The following KCNH8 variants were observed in gnomAD, a reference collection of about 807,000 sequenced individuals.
KCNH8 encodes potassium voltage-gated channel subfamily H member 8.
In KCNH8, 70 loss-of-function variants were observed where a neutral mutation model predicts 103.6. The ratio of observed to expected loss-of-function variants is 0.68; its 90% CI spans 0.56 to 0.82. KCNH8 has a LOEUF of 0.82. KCNH8 is among the 40% of genes least tolerant of loss of function. The pLI, the probability that KCNH8 is intolerant of heterozygous loss-of-function variation, is 0.00. For missense variants in KCNH8, 1,217 were observed against 1,329.9 expected (o/e 0.92, Z 1.32); for synonymous variants, 498 against 489.4 (o/e 1.02, Z -0.23).
At position 19,288,181 on chromosome 3, in the gene KCNH8, CTTTTTTTTTTTTT is replaced by C. The variant is rs767659898; in HGVS notation, c.442+6870_442+6882del. Among the ~76,000 whole-genome samples, 140 of 38,186 alleles carry C rather than the reference CTTTTTTTTTTTTT, an allele frequency of 3.7e-3. 1 individual carries two copies. Among genetic ancestry groups the C allele is most frequent in the Admixed American group, 0.013 (43 of 3,284 alleles). 25.1% of individuals were successfully genotyped at this position (38,186 alleles called of 152,430 possible). On this transcript the variant is annotated intron_variant, in intron 3 of 15. Coordinates refer to ENST00000328405, the MANE Select transcript of KCNH8 (RefSeq NM_144633.3). ...CTTCTTGCACCGGTGTATCAAACTTCTTTTTTTTTTTTTTTTTTTTTTTTTTTTTTAGTATTAA... is the reference window on the plus strand; with the variant it reads ...CTTCTTGCACCGGTGTATCAAACTTCTTTTTTTTTTTTTTTTTAGTATTAA...
At chr3:19,318,712 C>A (rs1014954349) in intron 3 of KCNH8, among the ~76,000 whole-genome samples, 8 of 149,306 alleles carry the variant, frequency 5.4e-5, no homozygotes, top group African/African-American at 1.5e-4. Flanking sequence ...ACTTTTATTT[C>A]TTTAAGGAGT....
chr3:19,469,516 T>G (rs2067811385), intron 11 of KCNH8, among the ~76,000 whole-genome samples: 1 of 151,852 alleles, frequency 6.6e-6, no homozygotes, highest in African/African-American at 2.4e-5. Flanking sequence ...CTCGGCTCAC[T>G]GCAACCTCTG....
chr3:19,303,256 T>A (rs552320200), intron 3 of KCNH8, among the ~76,000 whole-genome samples: 1 of 152,268 alleles, frequency 6.6e-6, no homozygotes, highest in Admixed American at 6.5e-5. Flanking sequence ...ATTAAATGCG[T>A]GGATTTCCAA....
Position 19,506,613 on chromosome 3 carries a change from G to A in KCNH8, c.2041-3750G>A, listed in dbSNP as rs536770891. ...CACTTGAGGGCTGGCTGCAGATCTC[G>A]GTTTGGCTCTCCTGGGCTGCACACT... On this transcript the variant is annotated intron_variant, in intron 11 of 15. Coordinates refer to ENST00000328405, the MANE Select transcript of KCNH8 (RefSeq NM_144633.3). Among the ~76,000 whole-genome samples, 14 of 152,182 alleles carry A rather than the reference G, an allele frequency of 9.2e-5. 1 individual carries two copies. The highest frequency in any genetic ancestry group is 6.2e-4 in the South Asian group (3 of 4,812).
chr3:19,523,913 A>G (rs1340630524), intron 15 of KCNH8, among the ~76,000 whole-genome samples: 1 of 151,914 alleles, frequency 6.6e-6, no homozygotes, highest in African/African-American at 2.4e-5. Flanking sequence ...CTTCCACTGG[A>G]AAACAGAGAA....
At chr3:19,354,790 C>T (rs1431725962) in intron 5 of KCNH8, among the ~76,000 whole-genome samples, 1 of 152,234 alleles carries the variant, frequency 6.6e-6, no homozygotes, top group South Asian at 2.1e-4. Context: ...AGAAGAAAAC[C>T]TAGGCAATAC....
chr3:19,435,508 C>T (rs1325999585), intron 7 of KCNH8, among the ~76,000 whole-genome samples: 1 of 152,104 alleles, frequency 6.6e-6, no homozygotes, highest in Non-Finnish European at 1.5e-5. Flanking sequence ...AAATGTTGAC[C>T]ATGTGCTAAC....
intron 1 of KCNH8, among the ~76,000 whole-genome samples, chr3:19,209,644 C>G (rs189391526): frequency 6.6e-6 from 1 of 152,062 alleles, no homozygotes; most frequent in African/African-American, 2.4e-5. Context: ...GCCTTCACAT[C>G]TGCTATGAAT....
At chr3:19,420,948 A>G (rs2066941777) in intron 7 of KCNH8, among the ~76,000 whole-genome samples, 1 of 152,190 alleles carries the variant, frequency 6.6e-6, no homozygotes, top group South Asian at 2.1e-4. Context: ...AAATATGACT[A>G]TGTTGACTGT....
chr3:19,512,061 T>G (rs2068792199), intron 12 of KCNH8, among the ~76,000 whole-genome samples: 2 of 152,294 alleles, frequency 1.3e-5, no homozygotes, highest in African/African-American at 4.8e-5. Flanking sequence ...AAATTATTGA[T>G]GATCAGATAT....
intron 2 of KCNH8, among the ~76,000 whole-genome samples, chr3:19,277,674 G>A (rs2125271550): frequency 6.6e-6 from 1 of 152,174 alleles, no homozygotes; most frequent in East Asian, 1.9e-4. Flanking sequence ...GAAAAAGAAA[G>A]TACCAAAATG....
At chr3:19,475,666 C>A (rs918196189) in intron 11 of KCNH8, among the ~76,000 whole-genome samples, 2 of 152,140 alleles carry the variant, frequency 1.3e-5, no homozygotes, top group Non-Finnish European at 2.9e-5. Context: ...AGAATAATTT[C>A]TCCCCCATGG....
At chr3:19,379,408 A>G (rs546367236) in intron 5 of KCNH8, among the ~76,000 whole-genome samples, 19 of 152,248 alleles carry the variant, frequency 1.2e-4, no homozygotes, top group African/African-American at 4.3e-4. Flanking sequence ...TTGGGAGGCC[A>G]TGGTGGGCAG....
intron 7 of KCNH8, among the ~76,000 whole-genome samples, chr3:19,406,896 A>G (rs931580293): frequency 1.3e-5 from 2 of 152,178 alleles, no homozygotes; most frequent in African/African-American, 2.4e-5. Context: ...AGTCAGATCA[A>G]ATGATCTCCA....
chr3:19,464,853 A>G (rs1257599798), intron 11 of KCNH8, among the ~76,000 whole-genome samples: 1 of 152,154 alleles, frequency 6.6e-6, no homozygotes, highest in African/African-American at 2.4e-5. Context: ...CTAAGTTAGT[A>G]AATGACATCA....
At chr3:19,387,904 T>C (rs1178423618) in intron 5 of KCNH8, among the ~76,000 whole-genome samples, 1 of 152,096 alleles carries the variant, frequency 6.6e-6, no homozygotes, top group Non-Finnish European at 1.5e-5. Context: ...AAACGAATAT[T>C]CTCTAATGAC....
chr3:19,326,413 A>G (rs1447025636), intron 3 of KCNH8, among the ~76,000 whole-genome samples: 1 of 148,414 alleles, frequency 6.7e-6, no homozygotes, highest in Non-Finnish European at 1.5e-5. Context: ...TTTGGAGGTA[A>G]TGGTGTTGAT....
chr3:19,452,768 G>C (rs1457197666), intron 10 of KCNH8, among the ~76,000 whole-genome samples: 3 of 152,154 alleles, frequency 2.0e-5, no homozygotes, highest in Admixed American at 2.0e-4. Context: ...ACAACACAGA[G>C]AGACAGATGG....
chr3:19,271,961 T>C (rs888013902), intron 2 of KCNH8, among the ~76,000 whole-genome samples: 1 of 152,066 alleles, frequency 6.6e-6, no homozygotes, highest in South Asian at 2.1e-4. Flanking sequence ...CACTGAAAAA[T>C]ATATGGCATA....
Sources: allele counts gnomAD v4.1 joint callset (sites outside exome capture counted in the v4.1 genomes callset), GRCh38; gene constraint gnomAD v4.1.1; transcripts MANE v1.5; gene names NCBI Gene and HGNC (gene_info 2026-07-23, HGNC 2026-07-21).